Variants in TSC1 observed in about 807,000 individuals in gnomAD.
The protein encoded by TSC1 is hamartin.
TSC1 carries 20 observed loss-of-function variants against 124.3 expected under a neutral mutation model. That is an observed-to-expected ratio of 0.16 (90% CI 0.11 to 0.23). The LOEUF (loss-of-function observed/expected upper bound fraction) is 0.23. Among genes scored for constraint, TSC1 ranks in the 10% least tolerant of loss-of-function variants. The pLI is 1.00. For synonymous variants in TSC1, 493 were observed against 539.1 expected (o/e 0.91, Z 1.19); for missense variants, 1,124 against 1,448.5 (o/e 0.78, Z 3.64).
Position 132,896,110 on chromosome 9 carries a change from T to C in TSC1, c.*125A>G. 2.8e-6 allele frequency: 4 copies of C among 1,432,708 alleles called. No individual in the cohort carries two copies. The highest frequency in any genetic ancestry group is 3.9e-6 in the Non-Finnish European group (4 of 1,028,094). 88.7% of individuals were successfully genotyped at this position (1,432,708 alleles called of 1,614,324 possible). On this transcript the variant is annotated 3_prime_UTR_variant, in exon 23 of 23. Coordinates refer to ENST00000298552, the MANE Select transcript of TSC1 (RefSeq NM_000368.5). This position sits in a 1 kb window ranked among gnomAD's most constrained non-coding sequence, Gnocchi z 4.5. ...CATTCAGTCAGCTGTCCAAAGGACC[T>C]CCGTCCCATTTCCACACATGAACTT...
Position 132,921,733 on chromosome 9 carries a change from C to A in TSC1, c.663+86G>T, listed in dbSNP as rs1484853338. On this transcript the variant is annotated intron_variant, in intron 7 of 22. Transcript: ENST00000298552. The surrounding 1 kb of genome is among the most constrained non-coding windows in gnomAD (Gnocchi z 4.3). ...AACTGAATTTCTTTTCAAAATTTCC[C>A]TGTCTGCCGTTAAATACAAAAGGTA... 4.5e-6 allele frequency: 7 copies of A among 1,552,932 alleles called. No individual in the cohort carries two copies. Among genetic ancestry groups the A allele is most frequent in the Non-Finnish European group, 6.2e-6 (7 of 1,127,944 alleles).
At position 132,903,932 on chromosome 9, in the gene TSC1, A is replaced by T; in HGVS notation, c.2042-115T>A. Reference sequence around the variant, plus strand: ...CACAATTCTTTAAAAACAAATCACCACTCTCTTTGCAAATGACCACTTGAC... The same window carrying T: ...CACAATTCTTTAAAAACAAATCACCTCTCTCTTTGCAAATGACCACTTGAC... On this transcript the variant is annotated intron_variant, in intron 16 of 22. Transcript: ENST00000298552. This position sits in a 1 kb window ranked among gnomAD's most constrained non-coding sequence, Gnocchi z 5.9. 7.9e-7 allele frequency: 1 copy of T among 1,273,594 alleles called. No individual in the cohort carries two copies. Among genetic ancestry groups the T allele is most frequent in the Admixed American group, 1.9e-5 (1 of 52,354 alleles). The allele number at this position is 1,273,594 out of a possible 1,614,324, so 78.9% of individuals were successfully genotyped here. A position where few individuals can be genotyped will look rare whatever the true frequency, so the allele number is the denominator to read the frequency against.
Position 132,921,717 on chromosome 9 carries a change from T to C in TSC1, c.663+102A>G. On this transcript the variant is annotated intron_variant, in intron 7 of 22. Transcript: ENST00000298552. The surrounding 1 kb of genome is among the most constrained non-coding windows in gnomAD (Gnocchi z 4.3). ...GAGTGGCGAGGAAGAAAACTGAATT[T>C]CTTTTCAAAATTTCCCTGTCTGCCG... 1 of 1,503,382 alleles carries C rather than the reference T, an allele frequency of 6.7e-7. No individual in the cohort carries two copies. Among genetic ancestry groups the C allele is most frequent in the East Asian group, 2.3e-5 (1 of 44,284 alleles). The allele number at this position is 1,503,382 out of a possible 1,614,324, so 93.1% of individuals were successfully genotyped here.
At chr9:132,911,678 A>G (rs1276692816) in intron 9 of TSC1, 110 bp from the exon 10 acceptor site, 5 of 672,374 alleles carry the variant, frequency 7.4e-6, no homozygotes, top group Non-Finnish European at 1.3e-5. Flanking sequence ...AGACCATTTG[A>G]TAATATTCAA....
In TSC1 at chr9:132,896,621, C is replaced by G; in HGVS notation, c.3109G>C (p.Gly1037Arg). The G allele has an allele frequency of 1.9e-6, 3 of 1,613,648 alleles. No homozygotes were observed. Among genetic ancestry groups the G allele is most frequent in the Non-Finnish European group, 2.5e-6 (3 of 1,179,760 alleles). ...RGSSGSRGGGGSSSSSSELST... is the reference protein window; with the variant it reads ...RGSSGSRGGGRSSSSSSELST... The stretch of plus-strand genomic sequence containing the variant: ...AGCTCGCTGCTGCTGCTGCTGCTGC[C>G]TCCACCACCTCTGCTTCCACTACTG... The change falls in exon 23 of 23, where the codon GGC becomes CGC. Residue 1037 changes from glycine to arginine, a missense_variant. This residue lies in a region of TSC1 where 325 missense variants were observed against 383.4 expected (regional missense o/e 0.85). Transcript: ENST00000298552. This position sits in a 1 kb window ranked among gnomAD's most constrained non-coding sequence, Gnocchi z 4.5.
rs545648293 is a variant in TSC1 at position 132,907,285 on chromosome 9, A to G, written c.1333+16T>C. On this transcript the variant is annotated intron_variant, in intron 13 of 22. Transcript: ENST00000298552. The stretch of plus-strand genomic sequence containing the variant: ...AGAAGAGGCAAGCAAGGCCTGTAGT[A>G]ACGCAGAAATTTTACCTGATCCTCT... 1.9e-6 allele frequency: 3 copies of G among 1,611,024 alleles called. No individual in the cohort carries two copies. Among genetic ancestry groups the G allele is most frequent in the East Asian group, 2.2e-5 (1 of 44,872 alleles).
intron 15 of TSC1, among the ~76,000 whole-genome samples, chr9:132,904,885 A>C (rs902350354): frequency 2.6e-5 from 4 of 152,252 alleles, no homozygotes; most frequent in African/African-American, 9.6e-5. Context: ...TTAAGGAAAA[A>C]GTAGGTAATT....
chr9:132,902,009 G>T lies in TSC1; in HGVS notation c.2392-310C>A. On this transcript the variant is annotated intron_variant, in intron 18 of 22. Coordinates refer to ENST00000298552, the MANE Select transcript of TSC1 (RefSeq NM_000368.5). This position sits in a 1 kb window ranked among gnomAD's most constrained non-coding sequence, Gnocchi z 5.2. ...AAGATTCTGAATTTTCGAGGGAGAC[G>T]CAGCGCCATCTGTTGGACACTCTGT... is the stretch of plus-strand genomic sequence containing the variant. The T allele has an allele frequency of 3.0e-6, 1 of 333,102 alleles. No homozygotes were observed. The highest frequency in any genetic ancestry group is 5.5e-6 in the Non-Finnish European group (1 of 180,508). 20.6% of individuals were successfully genotyped at this position (333,102 alleles called of 1,614,324 possible).
upstream of TSC1, chr9:132,944,734 C>T (rs555591717): frequency 7.0e-4 from 280 of 397,848 alleles, 2 homozygotes; most frequent in African/African-American, 5.2e-3. Flanking sequence ...CGCTCGGCAG[C>T]CCCGCCGGAA....
chr9:132,944,973 C>T (rs1181956156), upstream of TSC1: 1 of 193,032 alleles, frequency 5.2e-6, no homozygotes, highest in Non-Finnish European at 1.1e-5. Context: ...GGCGGGGGGA[C>T]GCGGCGGAGA....
At chr9:132,910,323 A>G (rs1356517876) in intron 12 of TSC1, 16 of 618,388 alleles carry the variant, frequency 2.6e-5, no homozygotes, top group Non-Finnish European at 3.9e-5. Flanking sequence ...AAAAAAAAAA[A>G]TCAAGAGAGT....
chr9:132,934,838 G>A (rs1847374364), intron 2 of TSC1, among the ~76,000 whole-genome samples, 195 bp downstream of exon 2: 1 of 152,244 alleles, frequency 6.6e-6, no homozygotes, highest in Non-Finnish European at 1.5e-5. Context: ...CGCATATAAT[G>A]CGCTTTGCAC....
At chr9:132,935,116 T>C in intron 1 of TSC1, 21 bp from the exon 2 acceptor site, 1 of 399,030 alleles carries the variant, frequency 2.5e-6, no homozygotes, top group Non-Finnish European at 4.4e-6. Flanking sequence ...AAAACATATG[T>C]ACAATGAAGC....
At chr9:132,908,446 CAT>C in intron 12 of TSC1, among the ~76,000 whole-genome samples, 1 of 152,036 alleles carries the variant, frequency 6.6e-6, no homozygotes, top group Non-Finnish European at 1.5e-5. Flanking sequence ...CAAAAGTAAA[CAT>C]ATGTGTTGTT....
rs1184827689 is a variant in TSC1 at position 132,893,587 on chromosome 9, C to T, written c.*2648G>A. 2.1e-5 allele frequency: 5 copies of T among 233,084 alleles called. No homozygotes were observed. The highest frequency in any genetic ancestry group is 4.2e-5 in the Non-Finnish European group (5 of 118,010). The allele number at this position is 233,084 out of a possible 1,614,324, so 14.4% of individuals were successfully genotyped here. On this transcript the variant is annotated 3_prime_UTR_variant, in exon 23 of 23. Transcript: ENST00000298552. ...TTCCATGCTGCACAGCAGCAGACTT[C>T]GGGCTCCTCGGGGCCTGTGCTGACT...
At chr9:132,914,800 C>T (rs1250679560) in intron 8 of TSC1, among the ~76,000 whole-genome samples, 2 of 151,900 alleles carry the variant, frequency 1.3e-5, no homozygotes, top group Admixed American at 1.3e-4. Flanking sequence ...ACCTGGAAGG[C>T]GGAGGTTGCA....
At chr9:132,932,968 T>C (rs1379827596) in intron 2 of TSC1, among the ~76,000 whole-genome samples, 2 of 152,246 alleles carry the variant, frequency 1.3e-5, no homozygotes, top group East Asian at 1.9e-4. Context: ...ATGATACTTA[T>C]GATCTCAAAA....
Position 132,939,957 on chromosome 9 carries a change from T to C in TSC1, c.-144+4586A>G, listed in dbSNP as rs138901854. ...ACGTCCACTAAAGGTTCAGAACCAC[T>C]GGTCTAGGAAAAAGAAGGATGAAGG... On this transcript the variant is annotated intron_variant, in intron 1 of 22. Coordinates refer to ENST00000298552, the MANE Select transcript of TSC1 (RefSeq NM_000368.5). 5.2e-3 allele frequency among the ~76,000 whole-genome samples: 791 copies of C among 152,250 alleles called. 8 individuals carry two copies. Among genetic ancestry groups the C allele is most frequent in the African/African-American group, 0.018 (752 of 41,546 alleles).
At chr9:132,918,662 C>G (rs190370097) in intron 8 of TSC1, among the ~76,000 whole-genome samples, 173 of 152,272 alleles carry the variant, frequency 1.1e-3, no homozygotes, top group Non-Finnish European at 1.9e-3. Context: ...TCTTTCCCCC[C>G]AGAGGTAGTC....
Sources: gnomAD v4.1 joint callset for allele counts (sites outside exome capture counted in the v4.1 genomes callset) on GRCh38, gnomAD v4.1.1 for gene constraint, gnomAD v4.1.1 regional missense constraint, Gnocchi (gnomAD v3.1) non-coding constraint, MANE v1.5 for transcripts, NCBI Gene and HGNC (gene_info 2026-07-23, HGNC 2026-07-21) for gene names.